PDE3B: variants seen among roughly 807,000 people sequenced by gnomAD.
The protein encoded by PDE3B is phosphodiesterase 3B.
A neutral mutation model predicts 116.8 loss-of-function variants in PDE3B; 66 were observed. The ratio of observed to expected loss-of-function variants is 0.56; its 90% CI spans 0.46 to 0.69. The LOEUF (loss-of-function observed/expected upper bound fraction) is 0.69. Ranked by LOEUF, PDE3B falls within the 30% of genes least tolerant of loss-of-function variation. The pLI is 0.00. For synonymous variants in PDE3B, 595 were observed against 533.6 expected, an observed-to-expected ratio of 1.12 and a Z score of -1.59; for missense variants, 1,384 against 1,368.1, an observed-to-expected ratio of 1.01 and a Z score of -0.18.
At chr11:14,892,152 G>T in the PDE3B span, 1 of 1,611,102 alleles carries the variant, frequency 6.2e-7, no homozygotes, top group Non-Finnish European at 8.5e-7. Context: ...GCAGCAGGAA[G>T]AGCGCGCCGC....
At position 14,867,717 on chromosome 11, in the gene PDE3B, T is replaced by C; in HGVS notation, c.3098T>C (p.Leu1033Ser). ...ESGDDEDGEE[L>S]DTEDEEMENN... ...GGTGATGATGAAGACGGTGAAGAAT[T>C]AGATACAGAAGATGAAGAAATGGAA... Residue 1033 changes from leucine to serine, a missense_variant, in exon 15 of 16, where the codon TTA becomes TCA. Leu to Ser is a moderately radical substitution (Grantham distance 145, BLOSUM62 -2). Coordinates refer to ENST00000282096, the MANE Select transcript of PDE3B (RefSeq NM_000922.4). 1 of 1,612,032 alleles carries C rather than the reference T, an allele frequency of 6.2e-7. No individual in the cohort carries two copies. The highest frequency in any genetic ancestry group is 8.5e-7 in the Non-Finnish European group (1 of 1,178,156).
chr11:14,648,898 TCTC>T (rs754582227), intron 1 of PDE3B, among the ~76,000 whole-genome samples: 1 of 152,182 alleles, frequency 6.6e-6, no homozygotes, highest in Non-Finnish European at 1.5e-5. Context: ...CTTGTTGAAA[TCTC>T]CTTTAAGGAA....
intron 1 of PDE3B, among the ~76,000 whole-genome samples, chr11:14,756,807 T>TG (rs1269309183): frequency 6.6e-6 from 1 of 151,964 alleles, no homozygotes; most frequent in Non-Finnish European, 1.5e-5. Flanking sequence ...TGCTTATTTT[T>TG]TTTTTTTATT....
At chr11:14,662,089 G>A (rs1041101335) in intron 1 of PDE3B, among the ~76,000 whole-genome samples, 3 of 152,070 alleles carry the variant, frequency 2.0e-5, no homozygotes, top group East Asian at 3.9e-4. Flanking sequence ...TCACACGGCC[G>A]GGTACTCCTC....
At chr11:14,879,035 G>A in the PDE3B span, 2 of 1,126,702 alleles carry the variant, frequency 1.8e-6, no homozygotes, top group South Asian at 1.3e-5. Context: ...ATAGAAGGAT[G>A]CTTCAGATTA....
chr11:14,780,117 A>G (rs1298396634), intron 2 of PDE3B, among the ~76,000 whole-genome samples: 2 of 152,216 alleles, frequency 1.3e-5, no homozygotes, highest in South Asian at 2.1e-4. Flanking sequence ...AGAGCTAACT[A>G]TCCTAAATAT....
At chr11:14,854,952 A>AT (rs1194451422) in intron 12 of PDE3B, among the ~76,000 whole-genome samples, 4 of 152,116 alleles carry the variant, frequency 2.6e-5, no homozygotes, top group Non-Finnish European at 5.9e-5. Flanking sequence ...GCATCTAATT[A>AT]TTTTTTTTAA....
At chr11:14,762,560 A>T (rs1416165432) in intron 1 of PDE3B, among the ~76,000 whole-genome samples, 1 of 152,146 alleles carries the variant, frequency 6.6e-6, no homozygotes, top group Non-Finnish European at 1.5e-5. Flanking sequence ...TCAGGTTGAG[A>T]TGAGAAGTCA....
chr11:14,688,142 T>TCTCTCTCC (rs1834673609), intron 1 of PDE3B, among the ~76,000 whole-genome samples: 2 of 101,342 alleles, frequency 2.0e-5, no homozygotes, highest in African/African-American at 8.2e-5. Context: ...TCTCTCTCTC[T>TCTCTCTCC]CCCTCCCTCC....
At chr11:14,784,593 C>A (rs1025279189) in intron 2 of PDE3B, among the ~76,000 whole-genome samples, 1 of 151,938 alleles carries the variant, frequency 6.6e-6, no homozygotes, top group African/African-American at 2.4e-5. Context: ...ATTCTAATAA[C>A]CCCAGAAAAG....
chr11:14,808,123 C>G lies in PDE3B; in HGVS notation c.1522+4073C>G, dbSNP rs551686973. On this transcript the variant is annotated intron_variant, in intron 5 of 15. Transcript: ENST00000282096. ...TGGTTGATGTCCAAATTATACTGAT[C>G]CCCCCAGGGATGACTTCTAGGAAAC... Among the ~76,000 whole-genome samples, 281 of 150,778 alleles carry G rather than the reference C, an allele frequency of 1.9e-3. 3 individuals are homozygous for G. Among genetic ancestry groups the G allele is most frequent in the African/African-American group, 6.5e-3 (268 of 41,180 alleles).
intron 1 of PDE3B, among the ~76,000 whole-genome samples, chr11:14,679,837 G>C (rs1392086406): frequency 1.3e-5 from 2 of 151,946 alleles, no homozygotes; most frequent in Non-Finnish European, 2.9e-5. Flanking sequence ...ACAGTTCACG[G>C]AATGGAGCAA....
In PDE3B at chr11:14,721,658, G is replaced by A. The variant is rs564877050; in HGVS notation, c.979-50279G>A. Among the ~76,000 whole-genome samples the A allele has an allele frequency of 3.4e-3, 472 of 137,702 alleles. 2 individuals carry two copies. The highest frequency in any genetic ancestry group is 8.1e-3 in the South Asian group (33 of 4,054). 90.3% of individuals were successfully genotyped at this position (137,702 alleles called of 152,430 possible). On this transcript the variant is annotated intron_variant, in intron 1 of 15. Coordinates refer to ENST00000282096, the MANE Select transcript of PDE3B (RefSeq NM_000922.4). ...ATGAAATTGGAAACCATCATTCTCAGTAAACTATCGCAAGAACAAAAAACC... is the reference window on the plus strand; with the variant it reads ...ATGAAATTGGAAACCATCATTCTCAATAAACTATCGCAAGAACAAAAAACC...
At chr11:14,770,173 T>C (rs1253159960) in intron 1 of PDE3B, among the ~76,000 whole-genome samples, 1 of 151,358 alleles carries the variant, frequency 6.6e-6, no homozygotes, top group African/African-American at 2.4e-5. Context: ...AATTAGTTCA[T>C]TGATGCCTAT....
chr11:14,696,812 A>T (rs1020549390), intron 1 of PDE3B, among the ~76,000 whole-genome samples: 1 of 152,160 alleles, frequency 6.6e-6, no homozygotes, highest in Non-Finnish European at 1.5e-5. Flanking sequence ...CCTAGTTTTC[A>T]TGAAGTCCAA....
intron 12 of PDE3B, among the ~76,000 whole-genome samples, chr11:14,853,147 C>A: frequency 6.6e-6 from 1 of 152,024 alleles, no homozygotes; most frequent in South Asian, 2.1e-4. Context: ...TATCCGTATA[C>A]GCATTTTGTC....
intron 11 of PDE3B, 31 bp downstream of exon 11, chr11:14,835,126 T>C (rs1360282845): frequency 7.4e-7 from 1 of 1,350,124 alleles, no homozygotes; most frequent in Admixed American, 1.9e-5. Context: ...CTTAATTATT[T>C]TGATCAGGAA....
At chr11:14,752,171 AC>A (rs1309069929) in intron 1 of PDE3B, among the ~76,000 whole-genome samples, 1 of 152,102 alleles carries the variant, frequency 6.6e-6, no homozygotes, top group Admixed American at 6.5e-5. Flanking sequence ...GTTACCAATA[AC>A]CTCATGTGCT....
chr11:14,887,492 T>TA, the PDE3B span: 6 of 725,032 alleles, frequency 8.3e-6, no homozygotes, highest in African/African-American at 1.2e-4. Context: ...AACTTATCCT[T>TA]AAACTGCTTT....
Sources: allele counts gnomAD v4.1 joint callset (sites outside exome capture counted in the v4.1 genomes callset), GRCh38; gene constraint gnomAD v4.1.1; transcripts MANE v1.5; gene names NCBI Gene and HGNC (gene_info 2026-07-23, HGNC 2026-07-21).